The following GRXCR1 variants were observed in gnomAD, a reference collection of about 807,000 sequenced individuals.
GRXCR1 encodes glutaredoxin domain-containing cysteine-rich protein 1.
GRXCR1 carries 27 observed loss-of-function variants against 27.3 expected under a neutral mutation model. The ratio of observed to expected loss-of-function variants is 0.99; its 90% CI spans 0.73 to 1.37. The LOEUF (loss-of-function observed/expected upper bound fraction) is 1.37, where lower values mean the gene tolerates loss of function less well. GRXCR1 is among the 40% of genes most tolerant of loss of function. The pLI is 0.00. For missense variants in GRXCR1, 379 were observed against 354.4 expected, an observed-to-expected ratio of 1.07 and a Z score of -0.56; for synonymous variants, 122 against 131.1, an observed-to-expected ratio of 0.93 and a Z score of 0.47.
chr4:42,912,446 T>A (rs965043555), intron 1 of GRXCR1, among the ~76,000 whole-genome samples: 3 of 152,192 alleles, frequency 2.0e-5, no homozygotes, highest in East Asian at 1.9e-4. Context: ...GAACCCTTTA[T>A]GGAAGTAAAA....
intron 2 of GRXCR1, among the ~76,000 whole-genome samples, chr4:43,011,374 G>C (rs967447175): frequency 1.3e-5 from 2 of 152,118 alleles, no homozygotes. Context: ...AGAGAGGTTG[G>C]GGGTATTGCC....
intron 3 of GRXCR1, among the ~76,000 whole-genome samples, chr4:43,024,197 CTTTTTT>C (rs60704333): frequency 1.1e-5 from 1 of 94,264 alleles, no homozygotes; most frequent in East Asian, 3.6e-4. Context: ...ATTTTCTGTC[CTTTTTT>C]TTTTTTTTTT....
chr4:42,930,786 T>C (rs923492706), intron 1 of GRXCR1, among the ~76,000 whole-genome samples: 29 of 152,022 alleles, frequency 1.9e-4, no homozygotes, highest in African/African-American at 5.8e-4. Flanking sequence ...TGTAAGGTCC[T>C]AGCATAGTCC....
intron 1 of GRXCR1, among the ~76,000 whole-genome samples, chr4:42,953,077 A>T (rs1259218726): frequency 6.6e-6 from 1 of 152,132 alleles, no homozygotes; most frequent in East Asian, 1.9e-4. Context: ...CCAATGGTGA[A>T]TTTCCCAGGT....
intron 2 of GRXCR1, among the ~76,000 whole-genome samples, chr4:42,981,041 G>A (rs756745005): frequency 6.0e-5 from 9 of 151,086 alleles, no homozygotes; most frequent in Non-Finnish European, 1.2e-4. Flanking sequence ...ATTATTGATA[G>A]ATAATACTAC....
At chr4:43,018,631 A>G (rs1405252208) in intron 2 of GRXCR1, among the ~76,000 whole-genome samples, 2 of 152,200 alleles carry the variant, frequency 1.3e-5, no homozygotes, top group Non-Finnish European at 2.9e-5. Context: ...CTTTTCTGGT[A>G]CATTCATTTT....
intron 2 of GRXCR1, among the ~76,000 whole-genome samples, chr4:43,002,899 T>A (rs1220753923): frequency 6.6e-6 from 1 of 152,208 alleles, no homozygotes; most frequent in Non-Finnish European, 1.5e-5. Flanking sequence ...CAAATTGTAA[T>A]CCCCATGTGT....
chr4:42,951,135 G>A (rs1371567106), intron 1 of GRXCR1, among the ~76,000 whole-genome samples: 1 of 152,128 alleles, frequency 6.6e-6, no homozygotes, highest in African/African-American at 2.4e-5. Context: ...AGATTCAGAA[G>A]CACCAAGGTC....
intron 1 of GRXCR1, among the ~76,000 whole-genome samples, chr4:42,898,671 T>C (rs1374734685): frequency 6.6e-6 from 1 of 152,116 alleles, no homozygotes; most frequent in Non-Finnish European, 1.5e-5. Flanking sequence ...TTGATATTTA[T>C]TCCTTACAAC....
intron 1 of GRXCR1, among the ~76,000 whole-genome samples, chr4:42,920,745 T>C (rs1016459957): frequency 6.6e-6 from 1 of 152,124 alleles, no homozygotes; most frequent in African/African-American, 2.4e-5. Context: ...TTTTGGAATA[T>C]CAAATATGTA....
rs745784596 is a variant in GRXCR1 at position 42,990,173 on chromosome 4, C to CTT, written c.627+27074_627+27075dup. Among the ~76,000 whole-genome samples, 38 of 46,202 alleles carry CTT rather than the reference C, an allele frequency of 8.2e-4. 13 individuals carry two copies. The highest frequency in any genetic ancestry group is 1.1e-3 in the Non-Finnish European group (29 of 26,050). 30.3% of individuals were successfully genotyped at this position (46,202 alleles called of 152,430 possible). On this transcript the variant is annotated intron_variant, in intron 2 of 3. Coordinates refer to ENST00000399770, the MANE Select transcript of GRXCR1 (RefSeq NM_001080476.3). ...AACTTCTTGAATTGAATTATTAGTT[C>CTT]TTTTTTTTTTTTTTTTTTTTTTTTT...
intron 2 of GRXCR1, among the ~76,000 whole-genome samples, chr4:42,983,057 T>A (rs963085339): frequency 1.3e-4 from 20 of 152,104 alleles, no homozygotes; most frequent in Middle Eastern, 3.4e-3. Flanking sequence ...CTCTTTAGTT[T>A]AATTAGATCC....
At chr4:42,946,932 C>T (rs992701468) in intron 1 of GRXCR1, among the ~76,000 whole-genome samples, 10 of 152,034 alleles carry the variant, frequency 6.6e-5, no homozygotes, top group Admixed American at 3.9e-4. Flanking sequence ...TCAGAAAGTA[C>T]GTAATGGTGC....
At chr4:42,979,729 G>C (rs908602993) in intron 2 of GRXCR1, among the ~76,000 whole-genome samples, 7 of 151,894 alleles carry the variant, frequency 4.6e-5, no homozygotes, top group Non-Finnish European at 7.4e-5. Context: ...TTTGGTGTGT[G>C]GGGCAGGTAG....
chr4:42,932,609 T>TAGAGAG (rs1747348418), intron 1 of GRXCR1, among the ~76,000 whole-genome samples: 1 of 51,226 alleles, frequency 2.0e-5, no homozygotes, highest in Non-Finnish European at 3.8e-5. Flanking sequence ...TATATATATA[T>TAGAGAG]ATATATATAT....
chr4:42,932,603 T>TCCCTTCC (rs1747346222), intron 1 of GRXCR1, among the ~76,000 whole-genome samples: 1 of 59,352 alleles, frequency 1.7e-5, no homozygotes, highest in Non-Finnish European at 3.1e-5. Context: ...TATATATATA[T>TCCCTTCC]ATATATATAT....
intron 2 of GRXCR1, among the ~76,000 whole-genome samples, chr4:43,000,824 G>T (rs111252832): frequency 5.3e-5 from 8 of 152,126 alleles, no homozygotes; most frequent in African/African-American, 1.9e-4. Flanking sequence ...AAAACATATG[G>T]GGAAAAGTGG....
At chr4:43,028,813 A>T (rs1043723212) in intron 3 of GRXCR1, among the ~76,000 whole-genome samples, 1 of 152,202 alleles carries the variant, frequency 6.6e-6, no homozygotes, top group Admixed American at 6.5e-5. Context: ...CCATCAACAA[A>T]GTGACCAAAT....
chr4:43,021,983 A>C (rs551215129), intron 3 of GRXCR1, among the ~76,000 whole-genome samples: 2 of 152,128 alleles, frequency 1.3e-5, no homozygotes, highest in Non-Finnish European at 2.9e-5. Flanking sequence ...TTTATCTATT[A>C]AATCGGGGTG....
Sources: gnomAD v4.1 joint callset for allele counts (sites outside exome capture counted in the v4.1 genomes callset) on GRCh38, gnomAD v4.1.1 for gene constraint, MANE v1.5 for transcripts, NCBI Gene and HGNC (gene_info 2026-07-23, HGNC 2026-07-21) for gene names.